Variants in SETD3 observed in about 807,000 individuals in gnomAD.
The protein encoded by SETD3 is SET domain containing 3, actin N3(tau)-histidine methyltransferase.
A neutral mutation model predicts 63.0 loss-of-function variants in SETD3; 19 were observed. The ratio of observed to expected loss-of-function variants is 0.30; its 90% CI spans 0.21 to 0.44. The LOEUF (loss-of-function observed/expected upper bound fraction) is 0.44, where lower values mean the gene tolerates loss of function less well. SETD3 is among the 20% of genes least tolerant of loss of function. The pLI, the probability that SETD3 is intolerant of heterozygous loss-of-function variation, is 1.00. For synonymous variants in SETD3, 286 were observed against 264.1 expected, an observed-to-expected ratio of 1.08 and a Z score of -0.80; for missense variants, 587 against 728.5, an observed-to-expected ratio of 0.81 and a Z score of 2.24.
At chr14:99,462,793 AAAT>A (rs1221176226) in intron 3 of SETD3, among the ~76,000 whole-genome samples, 3 of 152,224 alleles carry the variant, frequency 2.0e-5, no homozygotes, top group African/African-American at 7.2e-5. Context: ...TAAAGAGAGC[AAAT>A]AAAAAACAAA....
chr14:99,452,717 C>G (rs1313325662), intron 6 of SETD3, among the ~76,000 whole-genome samples: 1 of 152,188 alleles, frequency 6.6e-6, no homozygotes, highest in African/African-American at 2.4e-5. Context: ...TCTCCATGCT[C>G]CTCTCCCAAA....
chr14:99,451,498 CT>C (rs1566720486), intron 6 of SETD3, among the ~76,000 whole-genome samples: 1 of 151,892 alleles, frequency 6.6e-6, no homozygotes, highest in African/African-American at 2.4e-5. Context: ...TATCTTTTTT[CT>C]TTTTTTCTTT....
At chr14:99,409,159 C>T (rs1891841312) in intron 8 of SETD3, among the ~76,000 whole-genome samples, 1 of 152,196 alleles carries the variant, frequency 6.6e-6, no homozygotes, top group Non-Finnish European at 1.5e-5. Context: ...CCGCTTCCTG[C>T]CTCCCACACT....
intron 6 of SETD3, among the ~76,000 whole-genome samples, chr14:99,454,081 T>G (rs537587630): frequency 1.3e-5 from 2 of 152,218 alleles, no homozygotes; most frequent in Non-Finnish European, 2.9e-5. Flanking sequence ...GACTTGATGG[T>G]AAGTCACTTA....
Position 99,399,181 on chromosome 14 carries a change from G to C in SETD3, c.1339-56C>G, listed in dbSNP as rs149783565. ...AAGTCTAAACCAGCAAAACTATAGA[G>C]ACAGAGGGCACAACGGCTGGGGATG... On this transcript the variant is annotated intron_variant, in intron 12 of 12. Coordinates refer to ENST00000331768, the MANE Select transcript of SETD3 (RefSeq NM_032233.3). The C allele has an allele frequency of 2.1e-4, 314 of 1,518,098 alleles. 1 individual carries two copies. The African/African-American group carries it at 3.7e-3, about 18-fold the overall frequency. 94.0% of individuals were successfully genotyped at this position (1,518,098 alleles called of 1,614,324 possible). A position where few individuals can be genotyped will look rare whatever the true frequency, so the allele number is the denominator to read the frequency against.
At chr14:99,430,496 C>T (rs1389371303) in intron 6 of SETD3, among the ~76,000 whole-genome samples, 1 of 152,212 alleles carries the variant, frequency 6.6e-6, no homozygotes, top group Non-Finnish European at 1.5e-5. Context: ...GACACCAGCA[C>T]CAAAGACTCC....
At chr14:99,441,278 G>A (rs1275764373) in intron 6 of SETD3, among the ~76,000 whole-genome samples, 1 of 152,214 alleles carries the variant, frequency 6.6e-6, no homozygotes, top group Non-Finnish European at 1.5e-5. Flanking sequence ...ACCTAATCAG[G>A]TGCTTCTGTG....
At chr14:99,400,931 G>C (rs2139606870) in intron 11 of SETD3, among the ~76,000 whole-genome samples, 1 of 152,282 alleles carries the variant, frequency 6.6e-6, no homozygotes, top group African/African-American at 2.4e-5. Context: ...CTTGAGCCCA[G>C]GCGTTTGAGA....
chr14:99,451,861 T>C (rs192922371), intron 6 of SETD3, among the ~76,000 whole-genome samples: 1 of 152,234 alleles, frequency 6.6e-6, no homozygotes, highest in Admixed American at 6.5e-5. Flanking sequence ...AGCGTGAGGC[T>C]TCTGGTTACA....
At chr14:99,405,454 T>C in intron 9 of SETD3, 83 bp from the exon 10 acceptor site, 1 of 1,411,160 alleles carries the variant, frequency 7.1e-7, no homozygotes, top group Non-Finnish European at 9.6e-7. Context: ...AGAGGCTTAG[T>C]GCTACTTTAC....
At chr14:99,466,932 A>G (rs918155407) in intron 1 of SETD3, among the ~76,000 whole-genome samples, 1 of 152,248 alleles carries the variant, frequency 6.6e-6, no homozygotes, top group Non-Finnish European at 1.5e-5. Flanking sequence ...ATCTCAAGTG[A>G]GAATCAAAAA....
intron 6 of SETD3, among the ~76,000 whole-genome samples, chr14:99,449,835 T>C: frequency 6.6e-6 from 1 of 152,034 alleles, no homozygotes; most frequent in East Asian, 1.9e-4. Flanking sequence ...TATATAGGAG[T>C]TCTGTGCACA....
At position 99,461,328 on chromosome 14, in the gene SETD3, G is replaced by C. The variant is rs774242921; in HGVS notation, c.209C>G (p.Thr70Ser). 3 of 1,614,050 alleles carry C rather than the reference G, an allele frequency of 1.9e-6. No individual in the cohort carries two copies. The highest frequency in any genetic ancestry group is 2.5e-6 in the Non-Finnish European group (3 of 1,180,010). ...GTAATCTTCTCTTTTTCCATCAAAAGTAACGGACAGACCTATATTAATCCA... is the reference window on the plus strand; with the variant it reads ...GTAATCTTCTCTTTTTCCATCAAAACTAACGGACAGACCTATATTAATCCA... ...IRKKQKGLSVTFDGKREDYFP... is the reference protein window; with the variant it reads ...IRKKQKGLSVSFDGKREDYFP... The change falls in exon 4 of 13, where the codon ACT becomes AGT. Residue 70 changes from threonine to serine, a missense_variant. Transcript: ENST00000331768.
At chr14:99,443,598 A>T (rs948431541) in intron 6 of SETD3, among the ~76,000 whole-genome samples, 6 of 152,146 alleles carry the variant, frequency 3.9e-5, no homozygotes, top group Non-Finnish European at 7.4e-5. Flanking sequence ...TTTTTACTGA[A>T]TTATATATGA....
At chr14:99,450,926 C>T (rs1166331347) in intron 6 of SETD3, among the ~76,000 whole-genome samples, 1 of 152,164 alleles carries the variant, frequency 6.6e-6, no homozygotes, top group African/African-American at 2.4e-5. Context: ...CTAAGATAAG[C>T]TAATCTTCAG....
rs748168833 is a variant in SETD3, at chr14:99,400,818, A to G, written c.1178-559T>C. 2.8e-4 allele frequency among the ~76,000 whole-genome samples: 42 copies of G among 152,342 alleles called. 1 individual carries two copies. In the South Asian group the frequency reaches 5.6e-3, roughly 20 times the overall value. On this transcript the variant is annotated intron_variant, in intron 11 of 12. Transcript: ENST00000331768. ...AAAGAAATAAGAGCCTAAATCAAAC[A>G]GTGCTACCATAAGGAGCACTATCAA...
At chr14:99,437,143 A>G (rs114833330) in intron 6 of SETD3, among the ~76,000 whole-genome samples, 1 of 152,234 alleles carries the variant, frequency 6.6e-6, no homozygotes, top group African/African-American at 2.4e-5. Flanking sequence ...AAATGAGAAC[A>G]GAAGTACCCA....
At chr14:99,466,959 T>C (rs555693527) in intron 1 of SETD3, among the ~76,000 whole-genome samples, 3 of 152,312 alleles carry the variant, frequency 2.0e-5, no homozygotes, top group Non-Finnish European at 4.4e-5. Flanking sequence ...TTTGGTCCAT[T>C]TGTTTTTTAC....
chr14:99,459,267 A>G, intron 4 of SETD3, 82 bp from the exon 5 acceptor site: 1 of 939,900 alleles, frequency 1.1e-6, no homozygotes, highest in Non-Finnish European at 1.7e-6. Context: ...CAGAAATCCA[A>G]TCACACATGA....
Sources: allele counts gnomAD v4.1 joint callset (sites outside exome capture counted in the v4.1 genomes callset), GRCh38; gene constraint gnomAD v4.1.1; transcripts MANE v1.5; gene names NCBI Gene and HGNC (gene_info 2026-07-23, HGNC 2026-07-21).